The following SETBP1 variants were observed in gnomAD, a reference collection of about 807,000 sequenced individuals.
SETBP1 encodes the protein SET binding protein 1, also known as SET-binding protein.
A neutral mutation model predicts 101.0 loss-of-function variants in SETBP1; 9 were observed. The ratio of observed to expected loss-of-function variants is 0.09; its 90% CI spans 0.05 to 0.16. The LOEUF is 0.16. Among genes scored for constraint, SETBP1 ranks in the 10% least tolerant of loss-of-function variants. SETBP1 has a pLI of 1.00. For missense variants in SETBP1, 1,858 were observed against 2,033.8 expected (o/e 0.91, Z 1.66); for synonymous variants, 818 against 788.5 (o/e 1.04, Z -0.63).
At chr18:44,853,393 AC>A (rs1489182697) in intron 2 of SETBP1, among the ~76,000 whole-genome samples, 1 of 152,064 alleles carries the variant, frequency 6.6e-6, no homozygotes, top group Non-Finnish European at 1.5e-5. Flanking sequence ...GCCTCGCCAT[AC>A]CCCTTAAAGA....
At chr18:45,053,910 A>G (rs1194292579) in intron 5 of SETBP1, among the ~76,000 whole-genome samples, 7 of 152,204 alleles carry the variant, frequency 4.6e-5, no homozygotes, top group Admixed American at 1.3e-4. Context: ...AAGAAAAAAG[A>G]AATATAAAGA....
At chr18:44,804,882 GC>G (rs1465979304) in intron 2 of SETBP1, among the ~76,000 whole-genome samples, 9 of 152,010 alleles carry the variant, frequency 5.9e-5, no homozygotes, top group Non-Finnish European at 8.8e-5. Context: ...ATCCTTAAGG[GC>G]CCTGTGCAAA....
chr18:45,006,579 A>G (rs965723299), intron 4 of SETBP1, among the ~76,000 whole-genome samples: 1 of 152,156 alleles, frequency 6.6e-6, no homozygotes, highest in Non-Finnish European at 1.5e-5. Flanking sequence ...TCTTTGGCTT[A>G]TGTATGCATC....
chr18:44,876,738 G>C (rs1292362070), intron 3 of SETBP1: 2 of 1,534,888 alleles, frequency 1.3e-6, no homozygotes, highest in Non-Finnish European at 1.8e-6. Context: ...CTGCAGTCTG[G>C]GCACAAGAAG....
At chr18:44,805,916 C>G (rs2071722320) in intron 2 of SETBP1, among the ~76,000 whole-genome samples, 1 of 152,126 alleles carries the variant, frequency 6.6e-6, no homozygotes. Flanking sequence ...CATCCAGCCT[C>G]ATTGTTCTAT....
At chr18:44,983,542 C>T (rs916593118) in intron 4 of SETBP1, among the ~76,000 whole-genome samples, 6 of 152,186 alleles carry the variant, frequency 3.9e-5, no homozygotes, top group African/African-American at 1.4e-4. Flanking sequence ...ATACTCCTAA[C>T]CACTGTCCCA....
intron 3 of SETBP1, among the ~76,000 whole-genome samples, chr18:44,922,558 G>T (rs2070607333): frequency 6.6e-6 from 1 of 152,204 alleles, no homozygotes; most frequent in Admixed American, 6.5e-5. Flanking sequence ...ATTATCTCCT[G>T]CTTCCTGCTC....
chr18:44,998,786 C>T (rs2072554752), intron 4 of SETBP1, among the ~76,000 whole-genome samples: 3 of 152,172 alleles, frequency 2.0e-5, no homozygotes, highest in African/African-American at 7.2e-5. Flanking sequence ...AGTACTAGAA[C>T]TCCATAAACA....
chr18:44,761,458 TA>T (rs1395886798), intron 2 of SETBP1, among the ~76,000 whole-genome samples: 3 of 152,188 alleles, frequency 2.0e-5, no homozygotes, highest in Non-Finnish European at 4.4e-5. Context: ...TAAAACTAAA[TA>T]AAAACTGAGG....
rs140973868 is a variant in SETBP1 at position 44,889,529 on chromosome 18, A to G, written c.540+20246A>G. 2.8e-3 allele frequency among the ~76,000 whole-genome samples: 426 copies of G among 152,250 alleles called. 3 individuals are homozygous for G. Among genetic ancestry groups the G allele is most frequent in the African/African-American group, 9.7e-3 (402 of 41,546 alleles). On this transcript the variant is annotated intron_variant, in intron 3 of 5. Transcript: ENST00000649279. ...GGATGCTCAAGTCATCTTCTGTTCT[A>G]GGGAGCTCAGAGCGTTGCTAAGGGA...
intron 2 of SETBP1, among the ~76,000 whole-genome samples, chr18:44,858,495 T>G (rs187765058): frequency 7.2e-5 from 11 of 152,372 alleles, no homozygotes; most frequent in Non-Finnish European, 1.2e-4. Context: ...ATAACCTGAT[T>G]TAATGTCTTT....
At chr18:44,821,277 A>C (rs1454409017) in intron 2 of SETBP1, among the ~76,000 whole-genome samples, 2 of 152,180 alleles carry the variant, frequency 1.3e-5, no homozygotes, top group African/African-American at 4.8e-5. Flanking sequence ...CTACAGAATT[A>C]AATCCAAACT....
At position 44,874,794 on chromosome 18, in the gene SETBP1, G is replaced by A. The variant is rs147187618; in HGVS notation, c.540+5511G>A. 4.7e-3 allele frequency among the ~76,000 whole-genome samples: 715 copies of A among 152,344 alleles called. 7 individuals are homozygous for A. The highest frequency in any genetic ancestry group is 0.016 in the African/African-American group (660 of 41,574). Reference sequence around the variant, plus strand: ...TCATCAGAGGACACAACCATCTGCAGAACAATCCTGGGTTCCATGAGTCCT... The same window carrying A: ...TCATCAGAGGACACAACCATCTGCAAAACAATCCTGGGTTCCATGAGTCCT... On this transcript the variant is annotated intron_variant, in intron 3 of 5. Coordinates refer to ENST00000649279, the MANE Select transcript of SETBP1 (RefSeq NM_015559.3).
chr18:44,790,490 T>C (rs1428986036), intron 2 of SETBP1, among the ~76,000 whole-genome samples: 1 of 152,246 alleles, frequency 6.6e-6, no homozygotes, highest in African/African-American at 2.4e-5. Flanking sequence ...GCCGTCACAC[T>C]GAGGTGCTGC....
chr18:44,819,350 G>A (rs374128929), intron 2 of SETBP1, among the ~76,000 whole-genome samples: 3 of 152,102 alleles, frequency 2.0e-5, no homozygotes, highest in Non-Finnish European at 4.4e-5. Context: ...GAGAGTGTGG[G>A]TATAATTCTA....
At chr18:44,826,010 A>G (rs926264227) in intron 2 of SETBP1, among the ~76,000 whole-genome samples, 4 of 152,228 alleles carry the variant, frequency 2.6e-5, no homozygotes, top group Non-Finnish European at 5.9e-5. Context: ...GCATAAGCAA[A>G]CGACTTGCAT....
chr18:44,759,745 A>G (rs2070597904), intron 2 of SETBP1, among the ~76,000 whole-genome samples: 1 of 152,250 alleles, frequency 6.6e-6, no homozygotes. Flanking sequence ...CAAGTCACTC[A>G]TGGCAAATCT....
intron 2 of SETBP1, among the ~76,000 whole-genome samples, chr18:44,759,564 C>G (rs2070591260): frequency 6.6e-6 from 1 of 152,140 alleles, no homozygotes; most frequent in African/African-American, 2.4e-5. Flanking sequence ...TCCATCTTAG[C>G]CTTACAGAGT....
At position 45,062,140 on chromosome 18, in the gene SETBP1, G is replaced by A. The variant is rs544885690; in HGVS notation, c.4172-939G>A. ...TTGGCTATATCTTGAAGCCATTCAC[G>A]CTTTATGGTGTCTGAACTTCAAAAC... On this transcript the variant is annotated intron_variant, in intron 5 of 5. Transcript: ENST00000649279. 5.3e-5 allele frequency among the ~76,000 whole-genome samples: 8 copies of A among 152,322 alleles called. No individual in the cohort carries two copies. The East Asian group carries it at 5.8e-4, about 11-fold the overall frequency.
Sources: gnomAD v4.1 joint callset for allele counts (sites outside exome capture counted in the v4.1 genomes callset) on GRCh38, gnomAD v4.1.1 for gene constraint, MANE v1.5 for transcripts, NCBI Gene and HGNC (gene_info 2026-07-23, HGNC 2026-07-21) for gene names.